Variants in RPL28 observed in about 807,000 individuals in gnomAD.
RPL28 encodes the protein large ribosomal subunit protein eL28.
RPL28 carries 4 observed loss-of-function variants against 12.5 expected under a neutral mutation model. The ratio of observed to expected loss-of-function variants is 0.32; its 90% CI spans 0.16 to 0.73. The LOEUF (loss-of-function observed/expected upper bound fraction) is 0.73. Among genes scored for constraint, RPL28 ranks in the 30% least tolerant of loss-of-function variants. The pLI, the probability that RPL28 is intolerant of heterozygous loss-of-function variation, is 0.66. For missense variants in RPL28, 214 were observed against 197.7 expected (o/e 1.08, Z -0.49); for synonymous variants, 91 against 72.5 (o/e 1.26, Z -1.30).
downstream of RPL28, among the ~76,000 whole-genome samples, chr19:55,394,583 A>G (rs1273098434): frequency 6.7e-6 from 1 of 148,722 alleles, no homozygotes; most frequent in Non-Finnish European, 1.5e-5. Context: ...TTATTTATAT[A>G]TATTTTTAAA....
chr19:55,389,269 C>A lies in RPL28; in HGVS notation c.*937C>A, dbSNP rs773843717. 1.1e-6 allele frequency: 1 copy of A among 923,044 alleles called. No individual in the cohort carries two copies. Among genetic ancestry groups the A allele is most frequent in the African/African-American group, 1.8e-5 (1 of 56,198 alleles). The allele number at this position is 923,044 out of a possible 1,614,324, so 57.2% of individuals were successfully genotyped here. On this transcript the variant is annotated 3_prime_UTR_variant, in exon 5 of 5. Coordinates refer to ENST00000344063, the MANE Select transcript of RPL28 (RefSeq NM_000991.5). ...GAGGTTGAGTAGAGGCTGAGGTGAG[C>A]GGAGCACTTGAGCCAAGAGTATGAG... is the stretch of plus-strand genomic sequence containing the variant.
At chr19:55,386,819 T>C (rs777428874) in intron 3 of RPL28, 126 bp downstream of exon 3, 5 of 1,593,912 alleles carry the variant, frequency 3.1e-6, no homozygotes, top group Non-Finnish European at 8.5e-7. Flanking sequence ...GCCAGGGTGT[T>C]GGTCTGGGTA....
At chr19:55,394,043 A>G (rs78935016), downstream of RPL28, among the ~76,000 whole-genome samples, 8,840 of 151,966 alleles carry the variant, frequency 0.058, 281 homozygotes, top group South Asian at 0.077. Context: ...CAGGCGGATC[A>G]CAAGGTCAGG....
downstream of RPL28, among the ~76,000 whole-genome samples, chr19:55,396,478 C>CA (rs1410649408): frequency 0.052 from 255 of 4,912 alleles, 12 homozygotes; most frequent in African/African-American, 0.42. Flanking sequence ...GGAAAGTTCT[C>CA]CCCCCTCCCC....
At position 55,391,666 on chromosome 19, in the gene RPL28, A is replaced by T; in HGVS notation, c.*3334A>T. 6.5e-7 allele frequency: 1 copy of T among 1,546,814 alleles called. No homozygotes were observed. Among genetic ancestry groups the T allele is most frequent in the Non-Finnish European group, 8.8e-7 (1 of 1,142,656 alleles). The stretch of plus-strand genomic sequence containing the variant: ...ACCCTCATCTGTAACATGCGTGTCG[A>T]TAGACCCTACTACTCAGGGTTGATG... On this transcript the variant is annotated 3_prime_UTR_variant, in exon 5 of 5. Transcript: ENST00000344063.
downstream of RPL28, among the ~76,000 whole-genome samples, chr19:55,395,496 T>G (rs1013669134): frequency 6.7e-6 from 1 of 149,254 alleles, no homozygotes; most frequent in African/African-American, 2.5e-5. Flanking sequence ...CAGTCTGGAG[T>G]GCAGTGGCGC....
At chr19:55,387,854 CTG>C in intron 3 of RPL28, 74 bp from the exon 4 acceptor site, 10 of 1,493,580 alleles carry the variant, frequency 6.7e-6, no homozygotes, top group Non-Finnish European at 8.9e-6. Context: ...CAATGTGAGA[CTG>C]TCCACACCTG....
At chr19:55,387,612 C>G (rs2089945271) in intron 3 of RPL28, 1 of 1,396,708 alleles carries the variant, frequency 7.2e-7, no homozygotes. Context: ...TACCCATTGC[C>G]AGGAGCGTGG....
rs1167002453 is a variant in RPL28, at chr19:55,388,879, T to G, written c.*547T>G. The stretch of plus-strand genomic sequence containing the variant: ...AACCTCATCTCTGAGATGGGCAACT[T>G]GGTGGGTGGTGGCTTATAACTGTAA... On this transcript the variant is annotated 3_prime_UTR_variant, in exon 5 of 5. Coordinates refer to ENST00000344063, the MANE Select transcript of RPL28 (RefSeq NM_000991.5). 1.0e-6 allele frequency: 1 copy of G among 985,694 alleles called. No individual in the cohort carries two copies. The highest frequency in any genetic ancestry group is 1.7e-5 in the African/African-American group (1 of 57,216). 61.1% of individuals were successfully genotyped at this position (985,694 alleles called of 1,614,324 possible). A position where few individuals can be genotyped will look rare whatever the true frequency, so the allele number is the denominator to read the frequency against.
chr19:55,399,414 G>A (rs2090041949), intron 4 of RPL28, among the ~76,000 whole-genome samples: 2 of 152,138 alleles, frequency 1.3e-5, no homozygotes, highest in African/African-American at 2.4e-5. Flanking sequence ...TGACCTGCCC[G>A]CCTTGGCCTC....
chr19:55,387,950 T>A lies in RPL28; in HGVS notation c.226T>A (p.Ser76Thr). The A allele has an allele frequency of 6.3e-7, 1 of 1,583,532 alleles. No individual in the cohort carries two copies. ...RRSGQRKPAT[S>T]YVRTTINKNA... ...ACCAGGCCAGCGGAAGCCTGCCACC[T>A]CCTATGTGCGGACCACCATCAACAA... Residue 76 changes from serine to threonine, a missense_variant, in exon 4 of 5, where the codon TCC becomes ACC. By Grantham distance (58) the Ser-to-Thr change is moderately conservative. Coordinates refer to ENST00000344063, the MANE Select transcript of RPL28 (RefSeq NM_000991.5).
chr19:55,388,125 A>G (rs536352141), intron 4 of RPL28, 77 bp downstream of exon 4: 24 of 1,597,324 alleles, frequency 1.5e-5, no homozygotes, highest in African/African-American at 2.7e-5. Context: ...ACTGGTTGCA[A>G]TATGGGCTGG....
chr19:55,392,292 C>T (rs529154310), downstream of RPL28, among the ~76,000 whole-genome samples: 16 of 152,210 alleles, frequency 1.1e-4, no homozygotes, highest in African/African-American at 3.6e-4. Context: ...AGTGCAGTGG[C>T]GCAATCACGG....
At chr19:55,393,376 C>T (rs1191034102), downstream of RPL28, among the ~76,000 whole-genome samples, 1 of 151,682 alleles carries the variant, frequency 6.6e-6, no homozygotes, top group African/African-American at 2.4e-5. Flanking sequence ...CTCTCTCCTC[C>T]CTGAAGCTCC....
In RPL28 at chr19:55,391,365, C is replaced by G; in HGVS notation, c.*3033C>G. 1 of 1,205,040 alleles carries G rather than the reference C, an allele frequency of 8.3e-7. No homozygotes were observed. 74.6% of individuals were successfully genotyped at this position (1,205,040 alleles called of 1,614,324 possible). A position where few individuals can be genotyped will look rare whatever the true frequency, so the allele number is the denominator to read the frequency against. ...AAAAGGCCATTTTGAGTGCCTTTCA[C>G]AGCCCTGCATAAGGCAGGTGTCTCA... On this transcript the variant is annotated 3_prime_UTR_variant, in exon 5 of 5. Coordinates refer to ENST00000344063, the MANE Select transcript of RPL28 (RefSeq NM_000991.5).
chr19:55,402,295 C>T (rs2090065707), intron 4 of RPL28, among the ~76,000 whole-genome samples: 1 of 152,236 alleles, frequency 6.6e-6, no homozygotes, highest in South Asian at 2.1e-4. Context: ...ATCCTGACCT[C>T]TGTCTTTTAT....
At chr19:55,393,692 G>A (rs2090006373), downstream of RPL28, among the ~76,000 whole-genome samples, 1 of 148,562 alleles carries the variant, frequency 6.7e-6, no homozygotes, top group Admixed American at 6.7e-5. Context: ...GAGTGCAATG[G>A]CATGACCTTG....
In RPL28 at chr19:55,389,436, G is replaced by A. The variant is rs2123283536; in HGVS notation, c.*1104G>A. On this transcript the variant is annotated 3_prime_UTR_variant, in exon 5 of 5. Transcript: ENST00000344063. ...ACCTAACTCTGTCAGCCACTGCCAG[G>A]GACCAAGGATCCAGCATCCATGGCA... The A allele has an allele frequency of 1.0e-6, 1 of 985,384 alleles. No individual in the cohort carries two copies. Among genetic ancestry groups the A allele is most frequent in the East Asian group, 1.1e-4 (1 of 8,804 alleles). 61.0% of individuals were successfully genotyped at this position (985,384 alleles called of 1,614,324 possible).
Position 55,390,556 on chromosome 19 carries a change from G to C in RPL28, c.*2224G>C, listed in dbSNP as rs2089980873. The C allele has an allele frequency of 2.0e-6, 2 of 985,462 alleles. No homozygotes were observed. Among genetic ancestry groups the C allele is most frequent in the Admixed American group, 1.2e-4 (2 of 16,246 alleles). 61.0% of individuals were successfully genotyped at this position (985,462 alleles called of 1,614,324 possible). On this transcript the variant is annotated 3_prime_UTR_variant, in exon 5 of 5. Coordinates refer to ENST00000344063, the MANE Select transcript of RPL28 (RefSeq NM_000991.5). ...CTTAACCACCTCCTTGCCTGCCCTG[G>C]AGGCTTGTGCCTCTAGGCCCCACCC...
Sources: gnomAD v4.1 joint callset for allele counts (sites outside exome capture counted in the v4.1 genomes callset) on GRCh38, gnomAD v4.1.1 for gene constraint, MANE v1.5 for transcripts, NCBI Gene and HGNC (gene_info 2026-07-23, HGNC 2026-07-21) for gene names.